TRAK1: variants seen among roughly 807,000 people sequenced by gnomAD.
The protein encoded by TRAK1 is trafficking kinesin protein 1, also known as trafficking kinesin-binding protein 1.
TRAK1 carries 33 observed loss-of-function variants against 92.1 expected under a neutral mutation model. The observed-to-expected ratio is 0.36, with a 90% confidence interval of 0.27 to 0.48. The LOEUF (loss-of-function observed/expected upper bound fraction) is 0.48. Among genes scored for constraint, TRAK1 ranks in the 20% least tolerant of loss-of-function variants. The pLI, the probability that TRAK1 is intolerant of heterozygous loss-of-function variation, is 0.99. For synonymous variants in TRAK1, 521 were observed against 517.3 expected, an observed-to-expected ratio of 1.01 and a Z score of -0.10; for missense variants, 1,123 against 1,257.9, an observed-to-expected ratio of 0.89 and a Z score of 1.62.
chr3:42,144,039 T>C (rs1313369052), intron 2 of TRAK1, among the ~76,000 whole-genome samples: 2 of 152,204 alleles, frequency 1.3e-5, no homozygotes, highest in Non-Finnish European at 2.9e-5. Context: ...TGTGCAGCTT[T>C]GGACTTAATT....
At chr3:42,115,597 C>T (rs953841824) in intron 1 of TRAK1, among the ~76,000 whole-genome samples, 5 of 152,280 alleles carry the variant, frequency 3.3e-5, no homozygotes, top group South Asian at 2.1e-4. Context: ...TCTTAGAAAG[C>T]GTTTCTTCTG....
At chr3:42,217,783 A>G in intron 14 of TRAK1, 4 of 984,550 alleles carry the variant, frequency 4.1e-6, no homozygotes, top group Non-Finnish European at 3.6e-6. Context: ...GCTTTTTGTT[A>G]TTTTTGTTTC....
chr3:42,181,151 C>T (rs1192938681), intron 3 of TRAK1, among the ~76,000 whole-genome samples: 1 of 152,230 alleles, frequency 6.6e-6, no homozygotes, highest in Non-Finnish European at 1.5e-5. Context: ...TGGAAGCCTT[C>T]CGCATCCTTC....
chr3:42,122,491 G>A (rs182991255), intron 1 of TRAK1, among the ~76,000 whole-genome samples: 260 of 152,246 alleles, frequency 1.7e-3, no homozygotes, highest in Non-Finnish European at 3.0e-3. Flanking sequence ...ACTGCCTTCT[G>A]TGGAGCTGCT....
intron 3 of TRAK1, among the ~76,000 whole-genome samples, chr3:42,180,123 G>C (rs1480406916): frequency 6.6e-6 from 1 of 151,804 alleles, no homozygotes; most frequent in Non-Finnish European, 1.5e-5. Flanking sequence ...AATTCTCAAA[G>C]AAAAACCCAA....
chr3:42,212,527 C>T, intron 14 of TRAK1: 5 of 984,070 alleles, frequency 5.1e-6, no homozygotes, highest in Non-Finnish European at 4.8e-6. Context: ...GCATCATTCA[C>T]TTGTTGATTT....
intron 1 of TRAK1, among the ~76,000 whole-genome samples, chr3:42,043,437 G>A (rs2148904712): frequency 6.6e-6 from 1 of 150,874 alleles, no homozygotes; most frequent in Admixed American, 6.6e-5. Context: ...CCTGACCCCT[G>A]CCCTCCCTCT....
In TRAK1 at chr3:42,207,321, ACTC is replaced by A. The variant is rs1447787579; in HGVS notation, c.1745-2443_1745-2441del. ...TGGGAGTCCGCAGGGACAGCAGAGA[ACTC>A]CTATCAGCAGGAATATCTCCTGGCA... On this transcript the variant is annotated intron_variant, in intron 13 of 15. Coordinates refer to ENST00000327628, the MANE Select transcript of TRAK1 (RefSeq NM_001042646.3). Among the ~76,000 whole-genome samples, 4 of 151,990 alleles carry A rather than the reference ACTC, an allele frequency of 2.6e-5. No individual in the cohort carries two copies. The South Asian group carries it at 8.3e-4, about 32-fold the overall frequency.
intron 1 of TRAK1, among the ~76,000 whole-genome samples, chr3:42,066,935 T>C (rs1037976283): frequency 1.3e-5 from 2 of 152,198 alleles, no homozygotes; most frequent in Non-Finnish European, 2.9e-5. Flanking sequence ...CCTCACTGTT[T>C]CCTGGGGGAT....
chr3:42,089,413 T>G (rs1341661239), upstream of TRAK1, among the ~76,000 whole-genome samples: 1 of 152,128 alleles, frequency 6.6e-6, no homozygotes, highest in African/African-American at 2.4e-5. Flanking sequence ...TACAATCAGA[T>G]GGTTTAACTC....
intron 15 of TRAK1, chr3:42,220,658 G>A (rs944305904): frequency 7.4e-6 from 7 of 948,548 alleles, no homozygotes; most frequent in Non-Finnish European, 8.8e-6. Flanking sequence ...GTGCACGCGT[G>A]GCCGCCACTA....
At chr3:42,043,771 A>ACC (rs1470756392) in intron 1 of TRAK1, among the ~76,000 whole-genome samples, 1 of 92,444 alleles carries the variant, frequency 1.1e-5, no homozygotes, top group South Asian at 4.4e-4. Flanking sequence ...GACCCACCCC[A>ACC]CCCCCCCGCC....
intron 2 of TRAK1, chr3:42,160,337 T>G (rs781523594): frequency 5.6e-6 from 9 of 1,613,468 alleles, no homozygotes; most frequent in African/African-American, 1.3e-5. Context: ...TAGGGTGATG[T>G]TTTGGCTTTG....
At chr3:42,020,621 T>C (rs1176317726) in intron 1 of TRAK1, among the ~76,000 whole-genome samples, 1 of 152,228 alleles carries the variant, frequency 6.6e-6, no homozygotes, top group African/African-American at 2.4e-5. Flanking sequence ...AGTGTATAAG[T>C]ACTCATTTCT....
chr3:42,024,060 T>C (rs942708898), intron 1 of TRAK1, among the ~76,000 whole-genome samples: 1 of 152,148 alleles, frequency 6.6e-6, no homozygotes, highest in South Asian at 2.1e-4. Flanking sequence ...CGGCTACTCC[T>C]GAGATTTCTA....
chr3:42,167,638 T>G, intron 2 of TRAK1, among the ~76,000 whole-genome samples: 1 of 152,152 alleles, frequency 6.6e-6, no homozygotes, highest in East Asian at 1.9e-4. Context: ...CCCAGCACTT[T>G]GGGAGGCCGA....
At chr3:42,035,976 T>C (rs530231474) in intron 1 of TRAK1, among the ~76,000 whole-genome samples, 64 of 152,342 alleles carry the variant, frequency 4.2e-4, no homozygotes, top group Middle Eastern at 3.4e-3. Context: ...TGCTCAACTT[T>C]TAAGTCAGAC....
chr3:42,074,383 A>G (rs562709274), intron 1 of TRAK1, among the ~76,000 whole-genome samples: 284 of 152,344 alleles, frequency 1.9e-3, no homozygotes, highest in Non-Finnish European at 3.2e-3. Context: ...CTACGCAGGC[A>G]TCAGTTTGCT....
rs555122098 is a variant in TRAK1, at chr3:42,031,061, A to T, written c.-519+16944A>T. Among the ~76,000 whole-genome samples the T allele has an allele frequency of 3.1e-4, 39 of 127,626 alleles. No individual in the cohort carries two copies. In the East Asian group the frequency reaches 6.1e-3, roughly 20 times the overall value. 83.7% of individuals were successfully genotyped at this position (127,626 alleles called of 152,430 possible). The stretch of plus-strand genomic sequence containing the variant: ...TTTTTTTTTTTTTTTTTTGAGATGG[A>T]GTCTCGCTCTGTCACCCGGGCTGGA... On this transcript the variant is annotated intron_variant, in intron 1 of 16. Transcript: ENST00000487159.
Sources: allele counts gnomAD v4.1 joint callset (sites outside exome capture counted in the v4.1 genomes callset), GRCh38; gene constraint gnomAD v4.1.1; transcripts MANE v1.5; gene names NCBI Gene and HGNC (gene_info 2026-07-23, HGNC 2026-07-21).